BCL2L15: variants seen among roughly 807,000 people sequenced by gnomAD.
BCL2L15 encodes the protein BCL2 like 15, also known as bcl-2-like protein 15.
A neutral mutation model predicts 18.3 loss-of-function variants in BCL2L15; 15 were observed. That is an observed-to-expected ratio of 0.82 (90% CI 0.55 to 1.26). The LOEUF is 1.26. Ranked by LOEUF, BCL2L15 falls within the 50% of genes most tolerant of loss-of-function variation. The pLI is 0.00. For missense variants in BCL2L15, 180 were observed against 201.7 expected (o/e 0.89, Z 0.65); for synonymous variants, 58 against 68.5 (o/e 0.85, Z 0.76).
chr1:113,886,659 C>G lies in BCL2L15; in HGVS notation c.128-1G>C. The G allele has an allele frequency of 6.2e-7, 1 of 1,601,082 alleles. No homozygotes were observed. The highest frequency in any genetic ancestry group is 8.5e-7 in the Non-Finnish European group (1 of 1,176,466). ...GCCACATCAAAAGAACAAGGCTCTC[C>G]TATGACAGAGGGAACACATTTGTTA... On this transcript the variant is annotated splice_acceptor_variant, in intron 1 of 3. Transcript: ENST00000393316. LOFTEE classifies it high-confidence loss of function.
Position 113,878,346 on chromosome 1 carries a change from T to G in BCL2L15, c.*2777A>C, listed in dbSNP as rs1290206342. Reference sequence around the variant, plus strand: ...TTAAAATCAGGCAATCTGAATCCATTTTTAATTCCTGGGTTACAATGTCTT... The same window carrying G: ...TTAAAATCAGGCAATCTGAATCCATGTTTAATTCCTGGGTTACAATGTCTT... On this transcript the variant is annotated 3_prime_UTR_variant, in exon 4 of 4. Transcript: ENST00000393316. 6.6e-6 allele frequency: 1 copy of G among 152,364 alleles called. No homozygotes were observed. The highest frequency in any genetic ancestry group is 1.5e-5 in the Non-Finnish European group (1 of 68,040). The allele number at this position is 152,364 out of a possible 1,614,324, so 9.4% of individuals were successfully genotyped here.
chr1:113,881,062 A>G lies in BCL2L15; in HGVS notation c.*61T>C. The stretch of plus-strand genomic sequence containing the variant: ...TATTTGTTTGTTTGAATTCCCAGGA[A>G]TCAATCACCCAATCAGTCAACAAGG... On this transcript the variant is annotated 3_prime_UTR_variant, in exon 4 of 4. Coordinates refer to ENST00000393316, the MANE Select transcript of BCL2L15 (RefSeq NM_001010922.3). 1.9e-6 allele frequency: 3 copies of G among 1,612,444 alleles called. No homozygotes were observed. Among genetic ancestry groups the G allele is most frequent in the Non-Finnish European group, 2.5e-6 (3 of 1,178,638 alleles).
Position 113,881,021 on chromosome 1 carries a change from G to GA in BCL2L15, c.*101dup. On this transcript the variant is annotated 3_prime_UTR_variant, in exon 4 of 4. Coordinates refer to ENST00000393316, the MANE Select transcript of BCL2L15 (RefSeq NM_001010922.3). ...CAGCTAAGTTCAGTTCTGATAAAAT[G>GA]AAAAAAGTGCTTTTTTATTTGTTTG... The GA allele has an allele frequency of 6.5e-7, 1 of 1,543,152 alleles. No individual in the cohort carries two copies. Among genetic ancestry groups the GA allele is most frequent in the Non-Finnish European group, 8.9e-7 (1 of 1,119,320 alleles).
In BCL2L15 at chr1:113,880,889, T is replaced by G. The variant is rs1408518413; in HGVS notation, c.*234A>C. On this transcript the variant is annotated 3_prime_UTR_variant, in exon 4 of 4. Coordinates refer to ENST00000393316, the MANE Select transcript of BCL2L15 (RefSeq NM_001010922.3). ...TCATGTGAAAACAGAAAGTAGAAAA[T>G]CTCTGTGGTTTGCATTAAGTTGACA... The G allele has an allele frequency of 3.5e-6, 2 of 572,228 alleles. No individual in the cohort carries two copies. The highest frequency in any genetic ancestry group is 2.0e-5 in the African/African-American group (1 of 50,852). 35.4% of individuals were successfully genotyped at this position (572,228 alleles called of 1,614,324 possible).
rs1666802190 is a variant in BCL2L15, at chr1:113,879,268, C to T, written c.*1855G>A. 6.6e-6 allele frequency: 1 copy of T among 152,342 alleles called. No homozygotes were observed. Among genetic ancestry groups the T allele is most frequent in the South Asian group, 2.1e-4 (1 of 4,834 alleles). The allele number at this position is 152,342 out of a possible 1,614,324, so 9.4% of individuals were successfully genotyped here. A position where few individuals can be genotyped will look rare whatever the true frequency, so the allele number is the denominator to read the frequency against. On this transcript the variant is annotated 3_prime_UTR_variant, in exon 4 of 4. Transcript: ENST00000393316. ...AGGGGAAGTGGTTAGCTTTGTTAAA[C>T]TTTAGCCAAAGTTATTAATGCTGCT...
Position 113,887,263 on chromosome 1 carries a change from T to C in BCL2L15, c.113A>G (p.Asp38Gly). The C allele has an allele frequency of 3.7e-6, 6 of 1,614,112 alleles. No homozygotes were observed. The highest frequency in any genetic ancestry group is 3.4e-6 in the Non-Finnish European group (4 of 1,179,988). Residue 38 changes from aspartate (D) to glycine (G), a missense_variant, in exon 1 of 4, where the codon GAT becomes GGT. Coordinates refer to ENST00000393316, the MANE Select transcript of BCL2L15 (RefSeq NM_001010922.3). ...AGGAACCTTACCTGAATCTACTTCA[T>C]CTACACAGCATAGGTTCCGGCTGGC... ...QVASRNLCCV[D>G]EVDSGEPCSF...
chr1:113,884,213 A>G (rs2102251932), intron 2 of BCL2L15, among the ~76,000 whole-genome samples: 1 of 152,330 alleles, frequency 6.6e-6, no homozygotes, highest in South Asian at 2.1e-4. Flanking sequence ...ATAAAATGAA[A>G]TCTTGTGCCA....
rs1024376519 is a variant in BCL2L15 at position 113,884,297 on chromosome 1, T to A, written c.249+2240A>T. Among the ~76,000 whole-genome samples the A allele has an allele frequency of 5.3e-5, 8 of 152,330 alleles. No individual in the cohort carries two copies. In the South Asian group the frequency reaches 1.7e-3, roughly 32 times the overall value. Reference sequence around the variant, plus strand: ...CCAAAGGTATATATCCTTAATTTATTCAAGAAGAAACATCAAGCAAACCCC... The same window carrying A: ...CCAAAGGTATATATCCTTAATTTATACAAGAAGAAACATCAAGCAAACCCC... On this transcript the variant is annotated intron_variant, in intron 2 of 3. Coordinates refer to ENST00000393316, the MANE Select transcript of BCL2L15 (RefSeq NM_001010922.3).
intron 3 of BCL2L15, 109 bp from the exon 4 acceptor site, chr1:113,881,249 G>A: frequency 6.7e-7 from 1 of 1,495,488 alleles, no homozygotes; most frequent in Non-Finnish European, 9.3e-7. Flanking sequence ...CTCTTATTAA[G>A]GCTTTCACTG....
intron 2 of BCL2L15, among the ~76,000 whole-genome samples, chr1:113,884,996 G>A (rs1162851511): frequency 6.6e-6 from 1 of 151,868 alleles, no homozygotes; most frequent in Non-Finnish European, 1.5e-5. Context: ...CTGTTGCCCA[G>A]GTTGGAGTGC....
In BCL2L15 at chr1:113,881,009, T is replaced by C. The variant is rs1666863122; in HGVS notation, c.*114A>G. 2 of 1,468,258 alleles carry C rather than the reference T, an allele frequency of 1.4e-6. No homozygotes were observed. The highest frequency in any genetic ancestry group is 1.7e-5 in the Admixed American group (1 of 58,098). The allele number at this position is 1,468,258 out of a possible 1,614,324, so 91.0% of individuals were successfully genotyped here. Reference sequence around the variant, plus strand: ...AAATAACTTATTCAGCTAAGTTCAGTTCTGATAAAATGAAAAAAGTGCTTT... The same window carrying C: ...AAATAACTTATTCAGCTAAGTTCAGCTCTGATAAAATGAAAAAAGTGCTTT... On this transcript the variant is annotated 3_prime_UTR_variant, in exon 4 of 4. Transcript: ENST00000393316.
chr1:113,880,935 C>A lies in BCL2L15; in HGVS notation c.*188G>T. ...TGACAAAACAAAACAAAACAAAAACCAACTCTGCAGGCCTCTGGCAGCTGC... is the reference window on the plus strand; with the variant it reads ...TGACAAAACAAAACAAAACAAAAACAAACTCTGCAGGCCTCTGGCAGCTGC... On this transcript the variant is annotated 3_prime_UTR_variant, in exon 4 of 4. Coordinates refer to ENST00000393316, the MANE Select transcript of BCL2L15 (RefSeq NM_001010922.3). 3 of 706,174 alleles carry A rather than the reference C, an allele frequency of 4.2e-6. No homozygotes were observed. The highest frequency in any genetic ancestry group is 1.8e-5 in the African/African-American group (1 of 55,630). 43.7% of individuals were successfully genotyped at this position (706,174 alleles called of 1,614,324 possible).
At chr1:113,881,428 A>T in intron 3 of BCL2L15, 2 of 1,325,120 alleles carry the variant, frequency 1.5e-6, no homozygotes, top group Non-Finnish European at 1.9e-6. Flanking sequence ...AGTTAGGAAA[A>T]AAAGACCCAG....
intron 2 of BCL2L15, 143 bp from the exon 3 acceptor site, chr1:113,882,140 T>C: frequency 1.7e-6 from 1 of 604,314 alleles, no homozygotes; most frequent in Non-Finnish European, 2.9e-6. Flanking sequence ...AGAGAGTAGA[T>C]GAATAATCTT....
In BCL2L15 at chr1:113,880,760, A is replaced by C. The variant is rs1457935724; in HGVS notation, c.*363T>G. ...GTTTCCATTGTTCTCCCTTTCTCTC[A>C]AAATACCTCCAGCAAAGGCCTGCCC... On this transcript the variant is annotated 3_prime_UTR_variant, in exon 4 of 4. Coordinates refer to ENST00000393316, the MANE Select transcript of BCL2L15 (RefSeq NM_001010922.3). 4.5e-6 allele frequency: 1 copy of C among 223,012 alleles called. No homozygotes were observed. Among genetic ancestry groups the C allele is most frequent in the Non-Finnish European group, 8.8e-6 (1 of 113,892 alleles). 13.8% of individuals were successfully genotyped at this position (223,012 alleles called of 1,614,324 possible).
chr1:113,881,830 C>T lies in BCL2L15; in HGVS notation c.417G>A (p.Thr139=), dbSNP rs748004126. ...EVVGQVAIPM[T]GMINGNQAIR... is the part of the protein sequence containing the mutation. ...TGGCTTGGTTCCCATTGATCATACC[C>T]GTCATGGGGATAGCCACCTGTCCCA... Residue 139 remains threonine (T), a synonymous_variant, in exon 3 of 4, where the codon ACG becomes ACA. Transcript: ENST00000393316. The T allele has an allele frequency of 4.3e-6, 7 of 1,614,170 alleles. No individual in the cohort carries two copies. Among genetic ancestry groups the T allele is most frequent in the Non-Finnish European group, 5.9e-6 (7 of 1,180,024 alleles).
At chr1:113,881,386 T>C in intron 3 of BCL2L15, 2 of 1,089,550 alleles carry the variant, frequency 1.8e-6, no homozygotes, top group Non-Finnish European at 2.5e-6. Context: ...ACTATTAAGG[T>C]GATTCTGACT....
Position 113,887,488 on chromosome 1 carries a change from T to G in BCL2L15, c.-113A>C. ...AATGTTTCTACCTCTTGTAGTTTCC[T>G]GACATGTAATCCTGGAACTTTTCCC... On this transcript the variant is annotated 5_prime_UTR_variant, in exon 1 of 4. Transcript: ENST00000393316. 7.0e-7 allele frequency: 1 copy of G among 1,435,330 alleles called. No homozygotes were observed. The highest frequency in any genetic ancestry group is 9.6e-7 in the Non-Finnish European group (1 of 1,044,228). The allele number at this position is 1,435,330 out of a possible 1,614,324, so 88.9% of individuals were successfully genotyped here. A position where few individuals can be genotyped will look rare whatever the true frequency, so the allele number is the denominator to read the frequency against.
chr1:113,883,711 G>C (rs1412895754), intron 2 of BCL2L15, among the ~76,000 whole-genome samples: 2 of 152,126 alleles, frequency 1.3e-5, no homozygotes, highest in Non-Finnish European at 2.9e-5. Context: ...TTGAATCCGA[G>C]AGGCAGGGGT....
Sources: allele counts gnomAD v4.1 joint callset (sites outside exome capture counted in the v4.1 genomes callset), GRCh38; gene constraint gnomAD v4.1.1; transcripts MANE v1.5; gene names NCBI Gene and HGNC (gene_info 2026-07-23, HGNC 2026-07-21).